CROCC: variants seen among roughly 807,000 people sequenced by gnomAD.
The protein encoded by CROCC is rootletin.
A neutral mutation model predicts 245.2 loss-of-function variants in CROCC; 180 were observed. That is an observed-to-expected ratio of 0.73 (90% CI 0.65 to 0.83). The LOEUF (loss-of-function observed/expected upper bound fraction) is 0.83, where lower values mean the gene tolerates loss of function less well. CROCC is among the 40% of genes least tolerant of loss of function. The pLI, the probability that CROCC is intolerant of heterozygous loss-of-function variation, is 0.00. For missense variants in CROCC, 2,688 were observed against 2,779.4 expected (o/e 0.97, Z 0.74); for synonymous variants, 1,205 against 1,241.6 (o/e 0.97, Z 0.62).
At chr1:16,957,835 G>A (rs2076271427) in intron 25 of CROCC, among the ~76,000 whole-genome samples, 1 of 152,166 alleles carries the variant, frequency 6.6e-6, no homozygotes, top group Non-Finnish European at 1.5e-5. Context: ...TACTCTGATA[G>A]CCAGAGATAC....
intron 17 of CROCC, among the ~76,000 whole-genome samples, chr1:16,947,231 C>G (rs1474011583): frequency 6.3e-4 from 96 of 152,360 alleles, no homozygotes; most frequent in African/African-American, 2.2e-3. Context: ...AATCCCAGCA[C>G]TTTGGGAGGC....
upstream of CROCC, chr1:16,921,919 C>G: frequency 7.9e-7 from 1 of 1,264,640 alleles, no homozygotes; most frequent in Non-Finnish European, 1.1e-6. Flanking sequence ...CTTAATCTGC[C>G]TGGTGCTCAG....
upstream of CROCC, among the ~76,000 whole-genome samples, chr1:16,917,425 G>C (rs537246061): frequency 2.5e-3 from 373 of 152,166 alleles, no homozygotes; most frequent in African/African-American, 8.6e-3. Flanking sequence ...TGTTTGAAAC[G>C]AGTAATCTTT....
chr1:16,967,817 G>T (rs2076443824), intron 30 of CROCC, among the ~76,000 whole-genome samples: 1 of 152,166 alleles, frequency 6.6e-6, no homozygotes, highest in South Asian at 2.1e-4. Flanking sequence ...GAGTCAGTGG[G>T]GCAGGAGAAG....
rs1202892290 is a variant in CROCC at position 16,966,443 on chromosome 1, C to G, written c.4732C>G (p.Gln1578Glu). The change falls in exon 30 of 37, where the codon CAG (glutamine) becomes GAG (glutamate). Residue 1578 changes from glutamine to glutamate, a missense_variant. Coordinates refer to ENST00000375541, the MANE Select transcript of CROCC (RefSeq NM_014675.5). The surrounding 1 kb of genome is among the most constrained non-coding windows in gnomAD (Gnocchi z 4.8). ...TGTGGATGGGCGGCTGAGCGGGGTC[C>G]AGGCGGAGCTGGCGCTGCAGGAGGA... ...RSVDGRLSGV[Q>E]AELALQEESV... is the part of the protein sequence containing the mutation. 2 of 1,537,510 alleles carry G rather than the reference C, an allele frequency of 1.3e-6. No homozygotes were observed. Among genetic ancestry groups the G allele is most frequent in the Non-Finnish European group, 1.7e-6 (2 of 1,145,460 alleles).
upstream of CROCC, among the ~76,000 whole-genome samples, chr1:16,919,529 A>G (rs1298255990): frequency 1.2e-4 from 19 of 152,286 alleles, no homozygotes; most frequent in Non-Finnish European, 7.3e-5. Flanking sequence ...TTCAGTCACC[A>G]GGTTAAAGAA....
rs59260963 is a variant in CROCC, at chr1:16,931,454, C to T, written c.956+57C>T. The T allele has an allele frequency of 2.0e-4, 291 of 1,460,798 alleles. No homozygotes were observed. The African/African-American group carries it at 3.4e-3, about 17-fold the overall frequency. 90.5% of individuals were successfully genotyped at this position (1,460,798 alleles called of 1,614,324 possible). A position where few individuals can be genotyped will look rare whatever the true frequency, so the allele number is the denominator to read the frequency against. ...GAGAGCCAGCCCTGCTCTTTATGTCCAACTGAACTCAGTTGAATTTCAGTT... is the reference window on the plus strand; with the variant it reads ...GAGAGCCAGCCCTGCTCTTTATGTCTAACTGAACTCAGTTGAATTTCAGTT... On this transcript the variant is annotated intron_variant, in intron 8 of 36. Coordinates refer to ENST00000375541, the MANE Select transcript of CROCC (RefSeq NM_014675.5).
chr1:16,971,245 G>GTT (rs1297885611), intron 35 of CROCC, among the ~76,000 whole-genome samples: 1 of 130,298 alleles, frequency 7.7e-6, no homozygotes, highest in Admixed American at 7.9e-5. Context: ...GTGTGTGTGT[G>GTT]TGTGTGTCCA....
At position 16,946,963 on chromosome 1, in the gene CROCC, G is replaced by A. The variant is rs573336307; in HGVS notation, c.2486G>A (p.Arg829His). The A allele has an allele frequency of 1.4e-5, 22 of 1,554,868 alleles. No homozygotes were observed. Among genetic ancestry groups the A allele is most frequent in the East Asian group, 4.8e-5 (2 of 41,510 alleles). ...EQQLPTLRHE[R>H]SQLQEQLAQL... ...CAGCTCCCCACGCTGCGCCATGAGCGCAGCCAGCTGCAGGAGCAGCTAGCG... is the reference window on the plus strand; with the variant it reads ...CAGCTCCCCACGCTGCGCCATGAGCACAGCCAGCTGCAGGAGCAGCTAGCG... The change falls in exon 17 of 37, where the codon CGC becomes CAC. Residue 829 changes from arginine (R) to histidine (H), a missense_variant. Physicochemically the swap from Arg to His is conservative, Grantham distance 29 (BLOSUM62 0). Around this residue, in one of 9 missense-constraint regions of CROCC, gnomAD observed 295 missense variants for 241.7 expected, o/e 1.22. Transcript: ENST00000375541.
intron 13 of CROCC, chr1:16,940,691 A>G (rs1489640579): frequency 4.9e-5 from 11 of 224,840 alleles, no homozygotes; most frequent in Non-Finnish European, 9.0e-5. Context: ...CCCGGCCAAC[A>G]TTTATTTTTT....
intron 3 of CROCC, among the ~76,000 whole-genome samples, chr1:16,927,383 G>A (rs1272373335): frequency 2.6e-5 from 4 of 152,218 alleles, no homozygotes; most frequent in African/African-American, 9.6e-5. Context: ...GCCCACAAAG[G>A]TATGCCCAGA....
chr1:16,937,838 G>A (rs545341691), intron 10 of CROCC, 101 bp downstream of exon 10: 46 of 1,032,996 alleles, frequency 4.5e-5, no homozygotes, highest in African/African-American at 9.2e-5. Flanking sequence ...CACCCCCAGC[G>A]TCCCACTCAC....
At chr1:16,918,300 C>CTTTTTTTTTT (rs201445636), upstream of CROCC, among the ~76,000 whole-genome samples, 1 of 123,872 alleles carries the variant, frequency 8.1e-6, no homozygotes. Context: ...GGAATTCAGT[C>CTTTTTTTTTT]TTTTTTTTTT....
At position 16,962,071 on chromosome 1, in the gene CROCC, G is replaced by GT. The variant is rs1190179216; in HGVS notation, c.4405+950dup. On this transcript the variant is annotated intron_variant, in intron 27 of 36. Transcript: ENST00000375541. ...TGTATTGTTTTTAATTATTCTTTTTGTTTTTTTTTGAGATGGCGTCTTGCT... is the reference window on the plus strand; with the variant it reads ...TGTATTGTTTTTAATTATTCTTTTTGTTTTTTTTTTGAGATGGCGTCTTGCT... Among the ~76,000 whole-genome samples the GT allele has an allele frequency of 3.2e-4, 42 of 132,208 alleles. No individual in the cohort carries two copies. The East Asian group carries it at 3.4e-3, about 11-fold the overall frequency. The allele number at this position is 132,208 out of a possible 152,430, so 86.7% of individuals were successfully genotyped here.
At position 16,938,426 on chromosome 1, in the gene CROCC, G is replaced by T; in HGVS notation, c.1317G>T (p.Ala439=). 1 of 1,576,910 alleles carries T rather than the reference G, an allele frequency of 6.3e-7. No individual in the cohort carries two copies. Among genetic ancestry groups the T allele is most frequent in the East Asian group, 2.3e-5 (1 of 43,402 alleles). ...ALESLRLQEQ[A]ALETEDGEGL... is the part of the protein sequence containing the mutation. Reference sequence around the variant, plus strand: ...AATCCCTGCGGCTACAGGAGCAGGCGGCCCTGGAGACAGAGGATGGAGAGG... The same window carrying T: ...AATCCCTGCGGCTACAGGAGCAGGCTGCCCTGGAGACAGAGGATGGAGAGG... Residue 439 remains alanine (A), a synonymous_variant, in exon 11 of 37, where the codon GCG becomes GCT. Transcript: ENST00000375541.
At position 16,938,925 on chromosome 1, in the gene CROCC, C is replaced by CTTT; in HGVS notation, c.1392_1393insTTT (p.Ser464_Glu465insPhe). 1 of 1,602,870 alleles carries CTTT rather than the reference C, an allele frequency of 6.2e-7. No homozygotes were observed. The highest frequency in any genetic ancestry group is 1.1e-5 in the South Asian group (1 of 89,486). Reference sequence around the variant, plus strand: ...CACCCTCAGGCCGTCTTGTCAGACTCTGAGAGCGGCGTCCAGCTGAGCGGC... The same window carrying CTTT: ...CACCCTCAGGCCGTCTTGTCAGACTCTTTTGAGAGCGGCGTCCAGCTGAGCGGC... On this transcript the variant is annotated inframe_insertion, in exon 12 of 37. Transcript: ENST00000375541.
At chr1:16,930,247 A>G in intron 5 of CROCC, 39 bp from the exon 6 acceptor site, 1 of 1,587,694 alleles carries the variant, frequency 6.3e-7, no homozygotes. Context: ...CCTGCCCTCC[A>G]CCTGCCCAAC....
At chr1:16,932,171 C>CG (rs755564204) in intron 8 of CROCC, among the ~76,000 whole-genome samples, 38 of 152,226 alleles carry the variant, frequency 2.5e-4, no homozygotes, top group Non-Finnish European at 5.6e-4. Context: ...AGGCTGGGCA[C>CG]GGTGGCTCAC....
intron 25 of CROCC, among the ~76,000 whole-genome samples, chr1:16,958,218 C>T (rs1280790770): frequency 6.6e-6 from 1 of 152,202 alleles, no homozygotes; most frequent in Non-Finnish European, 1.5e-5. Flanking sequence ...TAGAACAGGA[C>T]TGGACACATG....
Sources: allele counts gnomAD v4.1 joint callset (sites outside exome capture counted in the v4.1 genomes callset), GRCh38; gene constraint gnomAD v4.1.1; regional missense constraint gnomAD v4.1.1; non-coding constraint Gnocchi (gnomAD v3.1); transcripts MANE v1.5; gene names NCBI Gene and HGNC (gene_info 2026-07-23, HGNC 2026-07-21).